The following UMAD1 variants were observed in gnomAD, a reference collection of about 807,000 sequenced individuals.
UMAD1 encodes the protein UBAP1-MVB12-associated (UMA)-domain containing protein 1.
UMAD1 carries 8 observed loss-of-function variants against 6.1 expected under a neutral mutation model. That is an observed-to-expected ratio of 1.30 (90% CI 0.76 to 2.35). The LOEUF is 2.35. Among genes scored for constraint, UMAD1 ranks in the 30% most tolerant of loss-of-function variants. UMAD1 has a pLI of 0.00. For missense variants in UMAD1, 130 were observed against 78.4 expected (o/e 1.66, Z -2.49); for synonymous variants, 56 against 31.4 (o/e 1.78, Z -2.61).
intron 2 of UMAD1, among the ~76,000 whole-genome samples, chr7:7,778,221 T>A (rs569186584): frequency 7.0e-6 from 1 of 142,406 alleles, no homozygotes; most frequent in Non-Finnish European, 1.5e-5. Context: ...TCTCCAAAAC[T>A]GGTTTTGTGT....
intron 2 of UMAD1, among the ~76,000 whole-genome samples, chr7:7,785,437 G>A (rs370599771): frequency 5.9e-5 from 9 of 152,096 alleles, no homozygotes; most frequent in African/African-American, 2.2e-4. Flanking sequence ...GGATGAAAAG[G>A]GATGAGAGAG....
At chr7:7,845,563 A>G (rs1463355678) in intron 3 of UMAD1, among the ~76,000 whole-genome samples, 3 of 152,098 alleles carry the variant, frequency 2.0e-5, no homozygotes, top group Non-Finnish European at 4.4e-5. Context: ...TATAAGAGGA[A>G]ATGTCTATTC....
At chr7:7,649,158 CAA>C (rs34943326) in intron 1 of UMAD1, among the ~76,000 whole-genome samples, 2 of 128,864 alleles carry the variant, frequency 1.6e-5, no homozygotes, top group Non-Finnish European at 1.6e-5. Flanking sequence ...GACTCCATCT[CAA>C]AAAAAAAAAA....
intron 2 of UMAD1, among the ~76,000 whole-genome samples, chr7:7,746,858 C>A (rs1244313206): frequency 1.3e-5 from 2 of 152,152 alleles, no homozygotes; most frequent in East Asian, 3.8e-4. Context: ...TTTACACATA[C>A]AATCCTGTTT....
At chr7:7,853,478 A>T (rs1458970582) in intron 3 of UMAD1, among the ~76,000 whole-genome samples, 1 of 151,636 alleles carries the variant, frequency 6.6e-6, no homozygotes, top group East Asian at 1.9e-4. Context: ...TTTAGGTCTT[A>T]ATTTTTTTCT....
chr7:7,786,738 C>G (rs941590974), intron 2 of UMAD1, among the ~76,000 whole-genome samples: 1 of 152,198 alleles, frequency 6.6e-6, no homozygotes, highest in South Asian at 2.1e-4. Flanking sequence ...CCACTGTGCT[C>G]TGGTTTCCAG....
At chr7:7,831,947 T>G (rs1428451406) in intron 3 of UMAD1, among the ~76,000 whole-genome samples, 1 of 152,186 alleles carries the variant, frequency 6.6e-6, no homozygotes, top group Non-Finnish European at 1.5e-5. Flanking sequence ...ACCCTTTATT[T>G]TGAAGATACA....
At chr7:7,689,570 A>C (rs561677870) in intron 2 of UMAD1, 7 of 152,116 alleles carry the variant, frequency 4.6e-5, no homozygotes. Flanking sequence ...TTATAATGCT[A>C]TCTCCCTGGA....
intron 1 of UMAD1, among the ~76,000 whole-genome samples, chr7:7,672,393 AG>A (rs1222760768): frequency 6.6e-6 from 1 of 152,132 alleles, no homozygotes; most frequent in Non-Finnish European, 1.5e-5. Flanking sequence ...TGTGTGTATG[AG>A]GGATGGTCAC....
intron 3 of UMAD1, among the ~76,000 whole-genome samples, chr7:7,847,604 C>G (rs1044203347): frequency 2.6e-5 from 4 of 152,172 alleles, no homozygotes; most frequent in Admixed American, 2.6e-4. Flanking sequence ...ATGTTACTCC[C>G]CCTTATAACA....
chr7:7,814,377 C>T (rs4725033), intron 3 of UMAD1, among the ~76,000 whole-genome samples: 140,925 of 152,240 alleles, frequency 0.93, 65,363 homozygotes, highest in African/African-American at 0.98. Context: ...TTTGTTTTTT[C>T]CCATTTTCCA....
At chr7:7,852,484 C>A (rs1465458608) in intron 3 of UMAD1, among the ~76,000 whole-genome samples, 3 of 152,182 alleles carry the variant, frequency 2.0e-5, no homozygotes, top group African/African-American at 4.8e-5. Context: ...TTCTGACAGA[C>A]CAGCTTTAAG....
At chr7:7,688,148 A>C (rs28912726) in intron 2 of UMAD1, among the ~76,000 whole-genome samples, 452 of 152,232 alleles carry the variant, frequency 3.0e-3, no homozygotes, top group African/African-American at 0.01. Flanking sequence ...TTTTGGGGGG[A>C]GAACATTCCC....
At chr7:7,647,688 GCCTTGAAC>G (rs1785127467) in intron 1 of UMAD1, among the ~76,000 whole-genome samples, 1 of 152,182 alleles carries the variant, frequency 6.6e-6, no homozygotes, top group Non-Finnish European at 1.5e-5. Context: ...GTGCAATGCA[GCCTTGAAC>G]TCCTGAGCTC....
chr7:7,720,936 C>CATA (rs1418212286), intron 2 of UMAD1, among the ~76,000 whole-genome samples: 8 of 152,172 alleles, frequency 5.3e-5, no homozygotes, highest in African/African-American at 1.9e-4. Flanking sequence ...AAGATGAGGT[C>CATA]ATACTCATTG....
intron 2 of UMAD1, among the ~76,000 whole-genome samples, chr7:7,719,957 G>A (rs28912669): frequency 0.16 from 24,678 of 152,114 alleles, 2,379 homozygotes; most frequent in Middle Eastern, 0.2. Flanking sequence ...TGTTTAATAA[G>A]TACTCAGTTT....
intron 2 of UMAD1, chr7:7,676,230 C>T (rs1779735281): frequency 2.5e-6 from 1 of 398,500 alleles, no homozygotes; most frequent in Non-Finnish European, 4.4e-6. Flanking sequence ...TTCCCAGTAC[C>T]ACTTAGCATA....
At chr7:7,791,453 T>G (rs1308318385) in intron 2 of UMAD1, among the ~76,000 whole-genome samples, 2 of 152,342 alleles carry the variant, frequency 1.3e-5, no homozygotes, top group East Asian at 3.9e-4. Flanking sequence ...ACACAAAATC[T>G]TTCAAGATGC....
chr7:7,843,457 T>TA (rs1217954470), intron 3 of UMAD1, among the ~76,000 whole-genome samples: 73 of 152,338 alleles, frequency 4.8e-4, no homozygotes, highest in African/African-American at 1.7e-3. Context: ...GAGCTTTGTG[T>TA]ACCTCCCTGT....
Sources: gnomAD v4.1 joint callset for allele counts (sites outside exome capture counted in the v4.1 genomes callset) on GRCh38, gnomAD v4.1.1 for gene constraint, MANE v1.5 for transcripts, NCBI Gene and HGNC (gene_info 2026-07-23, HGNC 2026-07-21) for gene names.